The following PCDH15 variants were observed in gnomAD, a reference collection of about 807,000 sequenced individuals.
PCDH15 encodes protocadherin-15.
In PCDH15, 129 loss-of-function variants were observed where a neutral mutation model predicts 178.5. The ratio of observed to expected loss-of-function variants is 0.72; its 90% CI spans 0.63 to 0.84. The LOEUF (loss-of-function observed/expected upper bound fraction) is 0.84, where lower values mean the gene tolerates loss of function less well. Ranked by LOEUF, PCDH15 falls within the 40% of genes least tolerant of loss-of-function variation. The pLI, the probability that PCDH15 is intolerant of heterozygous loss-of-function variation, is 0.00. For missense variants in PCDH15, 2,230 were observed against 2,099.9 expected (o/e 1.06, Z -1.21); for synonymous variants, 800 against 732.0 (o/e 1.09, Z -1.50).
chr10:54,520,465 G>T (rs1320620148), intron 3 of PCDH15, among the ~76,000 whole-genome samples: 10 of 152,156 alleles, frequency 6.6e-5, no homozygotes, highest in African/African-American at 2.4e-4. Flanking sequence ...ATGAAAAAAT[G>T]CTCATCATCA....
intron 2 of PCDH15, among the ~76,000 whole-genome samples, chr10:55,095,463 G>C (rs1267494044): frequency 2.0e-5 from 3 of 151,650 alleles, no homozygotes; most frequent in African/African-American, 7.3e-5. Context: ...GTTGTTACTT[G>C]GATTTTCTCT....
chr10:54,047,152 A>T (rs904643429), intron 18 of PCDH15, among the ~76,000 whole-genome samples: 9 of 152,108 alleles, frequency 5.9e-5, no homozygotes, highest in African/African-American at 2.2e-4. Context: ...ATATACATTA[A>T]ATAATTTAAA....
chr10:54,993,959 A>G (rs1182053452), intron 2 of PCDH15, among the ~76,000 whole-genome samples: 1 of 152,140 alleles, frequency 6.6e-6, no homozygotes, highest in East Asian at 1.9e-4. Context: ...ACATTTTTTC[A>G]AACACTTTTC....
chr10:55,563,954 A>C (rs1842250649), intron 2 of PCDH15, among the ~76,000 whole-genome samples: 1 of 151,900 alleles, frequency 6.6e-6, no homozygotes, highest in Non-Finnish European at 1.5e-5. Context: ...AGGACATTAG[A>C]TAGTAACTCA....
At chr10:54,609,197 G>A (rs1239276799) in intron 2 of PCDH15, among the ~76,000 whole-genome samples, 1 of 151,760 alleles carries the variant, frequency 6.6e-6, no homozygotes, top group Non-Finnish European at 1.5e-5. Flanking sequence ...GAAAATTTTT[G>A]GTAATGTCTG....
chr10:55,444,767 AC>A (rs1333061850), intron 2 of PCDH15, among the ~76,000 whole-genome samples: 1 of 152,140 alleles, frequency 6.6e-6, no homozygotes, highest in East Asian at 1.9e-4. Flanking sequence ...ATTTGAAGCC[AC>A]CTTAAACATT....
chr10:55,456,054 G>C (rs939091092), intron 2 of PCDH15, among the ~76,000 whole-genome samples: 1 of 152,088 alleles, frequency 6.6e-6, no homozygotes. Flanking sequence ...TAAGGTGGGC[G>C]TGATAGGGCA....
At chr10:54,213,315 CA>C (rs1591204974) in intron 10 of PCDH15, among the ~76,000 whole-genome samples, 1 of 151,988 alleles carries the variant, frequency 6.6e-6, no homozygotes, top group Admixed American at 6.6e-5. Flanking sequence ...TGCATTTTTT[CA>C]GTATCTATTT....
At chr10:53,822,874 TG>T (rs747010077) in intron 32 of PCDH15, 1 of 1,614,130 alleles carries the variant, frequency 6.2e-7, no homozygotes, top group Non-Finnish European at 8.5e-7. Flanking sequence ...CTACCTCTTT[TG>T]TTTGTACAGA....
intron 20 of PCDH15, among the ~76,000 whole-genome samples, chr10:54,009,273 G>T (rs1292381016): frequency 6.6e-6 from 1 of 151,926 alleles, no homozygotes; most frequent in African/African-American, 2.4e-5. Flanking sequence ...TCTTAGGACA[G>T]AGAGACACAA....
chr10:55,617,086 A>G (rs1373428088), intron 2 of PCDH15, among the ~76,000 whole-genome samples: 2 of 152,000 alleles, frequency 1.3e-5, no homozygotes, highest in Non-Finnish European at 2.9e-5. Context: ...CAACCTCTCA[A>G]CCTTGCTTGC....
intron 2 of PCDH15, among the ~76,000 whole-genome samples, chr10:55,404,697 A>G (rs1565103885): frequency 6.6e-6 from 1 of 152,000 alleles, no homozygotes; most frequent in Admixed American, 6.6e-5. Flanking sequence ...GAATGAGTAA[A>G]GGACTAATAT....
chr10:55,511,051 GTT>G (rs543684590), intron 2 of PCDH15, among the ~76,000 whole-genome samples: 1 of 145,256 alleles, frequency 6.9e-6, no homozygotes. Context: ...TTGTTTGTTT[GTT>G]TTTTTTTTTA....
At chr10:55,260,027 A>C (rs1317545010) in intron 1 of PCDH15, among the ~76,000 whole-genome samples, 1 of 151,796 alleles carries the variant, frequency 6.6e-6, no homozygotes, top group East Asian at 1.9e-4. Context: ...TTAATGGTAT[A>C]AGTTTGTTTT....
intron 6 of PCDH15, among the ~76,000 whole-genome samples, chr10:54,335,659 C>G (rs546788440): frequency 1.3e-5 from 2 of 152,174 alleles, no homozygotes; most frequent in African/African-American, 4.8e-5. Flanking sequence ...TGCCTCCCAC[C>G]AAGATTGTGA....
intron 3 of PCDH15, among the ~76,000 whole-genome samples, chr10:54,866,945 T>G (rs1016365901): frequency 6.6e-6 from 1 of 152,194 alleles, no homozygotes; most frequent in African/African-American, 2.4e-5. Context: ...TGATGAGAAA[T>G]GAACACAGTG....
intron 2 of PCDH15, among the ~76,000 whole-genome samples, chr10:55,152,060 A>T (rs1838739777): frequency 6.6e-6 from 1 of 152,082 alleles, no homozygotes. Context: ...TTCCAGTAAG[A>T]CAAGCACACA....
chr10:55,356,605 AT>A (rs749457049), intron 2 of PCDH15, among the ~76,000 whole-genome samples: 4 of 151,984 alleles, frequency 2.6e-5, no homozygotes, highest in Non-Finnish European at 4.4e-5. Context: ...TCAATCACTC[AT>A]TTTTAAAAAT....
chr10:54,302,460 G>A (rs2060201696), intron 8 of PCDH15, among the ~76,000 whole-genome samples: 1 of 152,138 alleles, frequency 6.6e-6, no homozygotes, highest in Non-Finnish European at 1.5e-5. Context: ...AGGTGATTAG[G>A]TCATGAGGGG....
Sources: gnomAD v4.1 joint callset for allele counts (sites outside exome capture counted in the v4.1 genomes callset) on GRCh38, gnomAD v4.1.1 for gene constraint, MANE v1.5 for transcripts, NCBI Gene and HGNC (gene_info 2026-07-23, HGNC 2026-07-21) for gene names.